TMEM181: variants seen among roughly 807,000 people sequenced by gnomAD.
TMEM181 encodes the protein transmembrane protein 181.
A neutral mutation model predicts 71.9 loss-of-function variants in TMEM181; 39 were observed. The ratio of observed to expected loss-of-function variants is 0.54; its 90% CI spans 0.42 to 0.71. The LOEUF is 0.71. TMEM181 is among the 30% of genes least tolerant of loss of function. The pLI is 0.00. For missense variants in TMEM181, 595 were observed against 583.0 expected (o/e 1.02, Z -0.21); for synonymous variants, 245 against 228.8 (o/e 1.07, Z -0.64).
intron 15 of TMEM181, among the ~76,000 whole-genome samples, chr6:158,630,124 C>G (rs1384279911): frequency 6.6e-6 from 1 of 152,202 alleles, no homozygotes; most frequent in Non-Finnish European, 1.5e-5. Flanking sequence ...AATGCACATT[C>G]AGGAGAAATC....
At chr6:158,553,770 T>TA (rs1781789367) in intron 1 of TMEM181, among the ~76,000 whole-genome samples, 1 of 152,244 alleles carries the variant, frequency 6.6e-6, no homozygotes, top group Admixed American at 6.5e-5. Flanking sequence ...TCACATGAAC[T>TA]AAAACGCATT....
At chr6:158,547,740 C>T (rs947849550) in intron 1 of TMEM181, among the ~76,000 whole-genome samples, 3 of 151,948 alleles carry the variant, frequency 2.0e-5, no homozygotes, top group African/African-American at 7.3e-5. Flanking sequence ...TGCCCATATC[C>T]ACCTCCCGTC....
At chr6:158,538,785 A>G (rs1019264679) in intron 1 of TMEM181, among the ~76,000 whole-genome samples, 2 of 152,202 alleles carry the variant, frequency 1.3e-5, no homozygotes, top group Non-Finnish European at 2.9e-5. Flanking sequence ...TGAAAGTGAC[A>G]TTTGTCTGAG....
At position 158,634,837 on chromosome 6, in the gene TMEM181, TTAAA is replaced by T. The variant is rs1786857727; in HGVS notation, c.*2952_*2955del. 6.6e-6 allele frequency: 1 copy of T among 152,168 alleles called. No homozygotes were observed. The highest frequency in any genetic ancestry group is 6.5e-5 in the Admixed American group (1 of 15,268). The allele number at this position is 152,168 out of a possible 1,614,324, so 9.4% of individuals were successfully genotyped here. ...GAACTATTTACTGAGGGTAGTTATGTTAAATAGATTATAATGTGGTAAATTATTT... is the reference window on the plus strand; with the variant it reads ...GAACTATTTACTGAGGGTAGTTATGTTAGATTATAATGTGGTAAATTATTT... On this transcript the variant is annotated 3_prime_UTR_variant, in exon 17 of 17. Transcript: ENST00000684151.
chr6:158,586,403 C>T lies in TMEM181; in HGVS notation c.381+978C>T, dbSNP rs115588259. On this transcript the variant is annotated intron_variant, in intron 5 of 16. Transcript: ENST00000684151. The stretch of plus-strand genomic sequence containing the variant: ...CTCTGCTGGGTGTCATGCCAAGTAC[C>T]GTCCACTCATTGTCTCATTCAGTCC... 1.6e-3 allele frequency among the ~76,000 whole-genome samples: 250 copies of T among 152,296 alleles called. 1 individual carries two copies. Among genetic ancestry groups the T allele is most frequent in the African/African-American group, 5.8e-3 (240 of 41,558 alleles).
At chr6:158,572,277 A>G in intron 1 of TMEM181, 1 of 392,522 alleles carries the variant, frequency 2.5e-6, no homozygotes, top group East Asian at 7.4e-5. Flanking sequence ...TGGACCGTGA[A>G]GCCAGTAACC....
intron 6 of TMEM181, among the ~76,000 whole-genome samples, chr6:158,590,149 G>C (rs1323015010): frequency 1.3e-5 from 2 of 152,098 alleles, no homozygotes; most frequent in East Asian, 1.9e-4. Flanking sequence ...CTAATTGTTA[G>C]ACTGTCCTTT....
chr6:158,579,242 A>G (rs1173692415), intron 2 of TMEM181, among the ~76,000 whole-genome samples: 1 of 150,056 alleles, frequency 6.7e-6, no homozygotes, highest in African/African-American at 2.5e-5. Context: ...CTGGGCAACA[A>G]CAATGAAACT....
intron 1 of TMEM181, among the ~76,000 whole-genome samples, chr6:158,538,896 G>A (rs1016282436): frequency 6.6e-6 from 1 of 152,194 alleles, no homozygotes; most frequent in Non-Finnish European, 1.5e-5. Flanking sequence ...AACATGAAAT[G>A]TTCAAGGCAC....
chr6:158,556,570 T>TCA (rs1226815089), upstream of TMEM181, among the ~76,000 whole-genome samples: 2 of 152,210 alleles, frequency 1.3e-5, no homozygotes, highest in African/African-American at 4.8e-5. Context: ...GCTACAAGGA[T>TCA]CACTCACAAG....
At chr6:158,542,712 C>A (rs911428258) in intron 1 of TMEM181, among the ~76,000 whole-genome samples, 2 of 152,096 alleles carry the variant, frequency 1.3e-5, no homozygotes, top group Non-Finnish European at 2.9e-5. Context: ...TCAAGCAATT[C>A]TTGTGCCTCA....
intron 10 of TMEM181, among the ~76,000 whole-genome samples, chr6:158,617,637 A>G (rs1203499387): frequency 6.6e-6 from 1 of 152,190 alleles, no homozygotes; most frequent in African/African-American, 2.4e-5. Flanking sequence ...TTTCCTCTAC[A>G]CACTTCTTTA....
intron 8 of TMEM181, 84 bp downstream of exon 8, chr6:158,607,427 C>T (rs976396521): frequency 7.6e-7 from 1 of 1,316,130 alleles, no homozygotes; most frequent in East Asian, 2.3e-5. Flanking sequence ...CCTGTCATCC[C>T]AGCACTTTGA....
chr6:158,631,759 A>G (rs544612914), intron 16 of TMEM181, 51 bp from the exon 17 acceptor site: 9 of 1,539,016 alleles, frequency 5.8e-6, no homozygotes, highest in African/African-American at 4.1e-5. Flanking sequence ...GGAAGAGGAA[A>G]ATAAAGAGCT....
intron 6 of TMEM181, 134 bp from the exon 7 acceptor site, chr6:158,605,126 AAAAAAGT>A (rs1170471627): frequency 7.4e-4 from 352 of 475,736 alleles, no homozygotes; most frequent in East Asian, 2.1e-3. Context: ...AAAAAAAAAA[AAAAAAGT>A]GTGTGTGTGT....
At chr6:158,556,783 G>A (rs1228304429), upstream of TMEM181, among the ~76,000 whole-genome samples, 1 of 150,160 alleles carries the variant, frequency 6.7e-6, no homozygotes, top group Non-Finnish European at 1.5e-5. Context: ...TTTTTTTTGA[G>A]ATGGAGTCTC....
At chr6:158,628,378 A>C in intron 13 of TMEM181, 30 bp from the exon 14 acceptor site, 1 of 1,611,258 alleles carries the variant, frequency 6.2e-7, no homozygotes, top group Non-Finnish European at 8.5e-7. Context: ...GCATGTTTAC[A>C]TATTGTCTCT....
intron 6 of TMEM181, among the ~76,000 whole-genome samples, chr6:158,597,618 A>G (rs1228294617): frequency 6.6e-6 from 1 of 152,046 alleles, no homozygotes; most frequent in Admixed American, 6.5e-5. Context: ...CTTCCACCTC[A>G]GTCTCCTGAG....
Position 158,613,665 on chromosome 6 carries a change from A to G in TMEM181, c.896+4915A>G, listed in dbSNP as rs115282469. 7.5e-3 allele frequency among the ~76,000 whole-genome samples: 1,147 copies of G among 152,310 alleles called. 20 individuals are homozygous for G. Among genetic ancestry groups the G allele is most frequent in the African/African-American group, 0.026 (1,094 of 41,560 alleles). ...AGTTCGATTCCTTAAAGGAGAGCAC[A>G]CCATTCCAGTGAAAGCCTTGGCAGA... is the stretch of plus-strand genomic sequence containing the variant. On this transcript the variant is annotated intron_variant, in intron 10 of 16. Transcript: ENST00000684151.
Sources: gnomAD v4.1 joint callset for allele counts (sites outside exome capture counted in the v4.1 genomes callset) on GRCh38, gnomAD v4.1.1 for gene constraint, MANE v1.5 for transcripts, NCBI Gene and HGNC (gene_info 2026-07-23, HGNC 2026-07-21) for gene names.